The following SMAD7 variants were observed in gnomAD, a reference collection of about 807,000 sequenced individuals.
SMAD7 encodes the protein MAD (mothers against decapentaplegic, Drosophila) homolog 7.
A neutral mutation model predicts 38.7 loss-of-function variants in SMAD7; 8 were observed. The observed-to-expected ratio is 0.21, with a 90% confidence interval of 0.12 to 0.37. The LOEUF (loss-of-function observed/expected upper bound fraction) is 0.37. SMAD7 is among the 10% of genes least tolerant of loss of function. SMAD7 has a pLI of 1.00. For synonymous variants in SMAD7, 327 were observed against 265.1 expected (o/e 1.23, Z -2.27); for missense variants, 477 against 577.9 (o/e 0.83, Z 1.79).
chr18:48,945,417 G>C (rs185969430), intron 2 of SMAD7, among the ~76,000 whole-genome samples: 8 of 152,072 alleles, frequency 5.3e-5, no homozygotes, highest in Admixed American at 1.3e-4. Flanking sequence ...AGCCGAGATC[G>C]GGCCACTGCA....
chr18:48,937,544 A>C (rs2070085061), intron 3 of SMAD7, among the ~76,000 whole-genome samples: 1 of 152,102 alleles, frequency 6.6e-6, no homozygotes, highest in Non-Finnish European at 1.5e-5. Context: ...TTCCAGGACA[A>C]AAGGGGTTTT....
chr18:48,930,531 T>C (rs2069985840), intron 3 of SMAD7, among the ~76,000 whole-genome samples: 1 of 152,208 alleles, frequency 6.6e-6, no homozygotes, highest in Non-Finnish European at 1.5e-5. Flanking sequence ...AGGCCTCCCA[T>C]AAACATGGGC....
At chr18:48,923,002 CCTT>C (rs1032934044) in intron 3 of SMAD7, among the ~76,000 whole-genome samples, 11 of 152,196 alleles carry the variant, frequency 7.2e-5, no homozygotes, top group African/African-American at 2.7e-4. Flanking sequence ...TCTGACTCCT[CCTT>C]AAGTAGGAGC....
chr18:48,926,757 G>A (rs1032454476), intron 3 of SMAD7, among the ~76,000 whole-genome samples: 10 of 152,134 alleles, frequency 6.6e-5, no homozygotes, highest in Admixed American at 5.2e-4. Context: ...CGCCACCAAC[G>A]GTTGCCTCAT....
chr18:48,939,720 A>G (rs1468482320), intron 3 of SMAD7, among the ~76,000 whole-genome samples: 4 of 152,108 alleles, frequency 2.6e-5, no homozygotes, highest in Non-Finnish European at 4.4e-5. Context: ...CCAGGGCAGG[A>G]CAGGAAGGAA....
chr18:48,945,992 G>A (rs2070190757), intron 2 of SMAD7, among the ~76,000 whole-genome samples: 1 of 152,178 alleles, frequency 6.6e-6, no homozygotes, highest in Non-Finnish European at 1.5e-5. Context: ...GGACCACACA[G>A]TACCTAGGTG....
chr18:48,922,122 G>A (rs1363129916), intron 3 of SMAD7, among the ~76,000 whole-genome samples: 1 of 152,162 alleles, frequency 6.6e-6, no homozygotes, highest in African/African-American at 2.4e-5. Flanking sequence ...GAAGCGCTGG[G>A]TGCTGCTTCT....
chr18:48,947,669 A>G (rs1010272245), intron 2 of SMAD7, among the ~76,000 whole-genome samples: 1 of 152,234 alleles, frequency 6.6e-6, no homozygotes, highest in Non-Finnish European at 1.5e-5. Context: ...TGTGATGTCC[A>G]GAGGATGGAC....
Position 48,921,250 on chromosome 18 carries a change from A to T in SMAD7, c.*122T>A. The T allele has an allele frequency of 1.1e-6, 1 of 892,364 alleles. No individual in the cohort carries two copies. Among genetic ancestry groups the T allele is most frequent in the Non-Finnish European group, 1.7e-6 (1 of 590,596 alleles). The allele number at this position is 892,364 out of a possible 1,614,324, so 55.3% of individuals were successfully genotyped here. A position where few individuals can be genotyped will look rare whatever the true frequency, so the allele number is the denominator to read the frequency against. On this transcript the variant is annotated 3_prime_UTR_variant, in exon 4 of 4. Coordinates refer to ENST00000262158, the MANE Select transcript of SMAD7 (RefSeq NM_005904.4). The surrounding 1 kb of genome is among the most constrained non-coding windows in gnomAD (Gnocchi z 6.4). ...GACGAGAAGAAGAAAACCAACCAAC[A>T]AACAAAAAAAAAACGACCAAAGAGT...
chr18:48,924,427 G>A (rs1205255093), intron 3 of SMAD7, among the ~76,000 whole-genome samples: 1 of 152,194 alleles, frequency 6.6e-6, no homozygotes, highest in East Asian at 1.9e-4. Context: ...CCAAGGGTGG[G>A]GGCCTCTGGG....
At chr18:48,949,498 A>G (rs1369218372) in intron 1 of SMAD7, among the ~76,000 whole-genome samples, 1 of 152,062 alleles carries the variant, frequency 6.6e-6, no homozygotes, top group Non-Finnish European at 1.5e-5. Context: ...TGATCCGGAA[A>G]TGAAGGCGTC....
At chr18:48,943,059 G>A (rs1568304872) in intron 2 of SMAD7, among the ~76,000 whole-genome samples, 1 of 152,096 alleles carries the variant, frequency 6.6e-6, no homozygotes, top group African/African-American at 2.4e-5. Flanking sequence ...TTTAATTGAG[G>A]ACTAACTTAA....
In SMAD7 at chr18:48,950,132, G is replaced by T. The variant is rs1425043936; in HGVS notation, c.293C>A (p.Ser98Ter). ...CCGCTCCTTCAGTTTCTTGAGCACC[G>T]AGTGCGTGAGCGCCTTCAGATCCGC... ...AEADLKALTH[S>*]VLKKLKERQL... The change falls in exon 1 of 4, where the codon TCG becomes TAG. Residue 98 changes from serine to a stop codon, truncating the protein, a stop_gained. Coordinates refer to ENST00000262158, the MANE Select transcript of SMAD7 (RefSeq NM_005904.4). LOFTEE classifies it high-confidence loss of function. 6.7e-7 allele frequency: 1 copy of T among 1,494,716 alleles called. No individual in the cohort carries two copies. Among genetic ancestry groups the T allele is most frequent in the East Asian group, 2.9e-5 (1 of 34,382 alleles). The allele number at this position is 1,494,716 out of a possible 1,614,324, so 92.6% of individuals were successfully genotyped here. A position where few individuals can be genotyped will look rare whatever the true frequency, so the allele number is the denominator to read the frequency against.
At chr18:48,939,845 C>G (rs1488881904) in intron 3 of SMAD7, among the ~76,000 whole-genome samples, 1 of 149,718 alleles carries the variant, frequency 6.7e-6, no homozygotes, top group Non-Finnish European at 1.5e-5. Context: ...CACCCCCCAA[C>G]CTCAGTGTCT....
chr18:48,932,551 T>G (rs6507876), intron 3 of SMAD7, among the ~76,000 whole-genome samples: 41,370 of 152,076 alleles, frequency 0.27, 9,352 homozygotes, highest in African/African-American at 0.62. Flanking sequence ...TCCCCGCCTT[T>G]TCTTCCTGGT....
At chr18:48,925,737 T>A (rs1480334404) in intron 3 of SMAD7, among the ~76,000 whole-genome samples, 1 of 143,864 alleles carries the variant, frequency 7.0e-6, no homozygotes, top group East Asian at 2.1e-4. Flanking sequence ...AATTTTCCCC[T>A]TCTTAAATGT....
intron 2 of SMAD7, among the ~76,000 whole-genome samples, chr18:48,945,132 A>G (rs2070181990): frequency 6.6e-6 from 1 of 152,202 alleles, no homozygotes; most frequent in South Asian, 2.1e-4. Flanking sequence ...AGGTAGTTCA[A>G]CCAACCCAGA....
chr18:48,939,375 A>G (rs904745703), intron 3 of SMAD7, among the ~76,000 whole-genome samples: 1 of 63,134 alleles, frequency 1.6e-5, no homozygotes, highest in Non-Finnish European at 3.3e-5. Flanking sequence ...TCGTCTACCC[A>G]CCCCCCCACA....
At chr18:48,932,144 G>T (rs2070009926) in intron 3 of SMAD7, among the ~76,000 whole-genome samples, 1 of 152,194 alleles carries the variant, frequency 6.6e-6, no homozygotes. Context: ...CTCAGAGGCT[G>T]CAGTGAGGCT....
Sources: gnomAD v4.1 joint callset for allele counts (sites outside exome capture counted in the v4.1 genomes callset) on GRCh38, gnomAD v4.1.1 for gene constraint, Gnocchi (gnomAD v3.1) non-coding constraint, MANE v1.5 for transcripts, NCBI Gene and HGNC (gene_info 2026-07-23, HGNC 2026-07-21) for gene names.